Variants in RASA1 observed in about 807,000 individuals in gnomAD.
The protein encoded by RASA1 is ras GTPase-activating protein 1.
Under a neutral mutation model 132.2 loss-of-function variants are expected in RASA1, and 25 were observed. The observed-to-expected ratio is 0.19, with a 90% CI of 0.14 to 0.26. The LOEUF (loss-of-function observed/expected upper bound fraction) is 0.26. RASA1 is among the 10% of genes least tolerant of loss of function. RASA1 has a pLI of 1.00. For synonymous variants in RASA1, 477 were observed against 449.9 expected (o/e 1.06, Z -0.76); for missense variants, 964 against 1,299.2 (o/e 0.74, Z 3.97).
At chr5:87,377,129 A>C in intron 17 of RASA1, 89 bp downstream of exon 17, 1 of 1,463,118 alleles carries the variant, frequency 6.8e-7, no homozygotes, top group South Asian at 1.2e-5. Context: ...AATATACTAA[A>C]TTGTTAAATT....
At chr5:87,360,079 T>G (rs1292431980) in intron 9 of RASA1, among the ~76,000 whole-genome samples, 4 of 152,066 alleles carry the variant, frequency 2.6e-5, no homozygotes, top group Non-Finnish European at 5.9e-5. Context: ...ACATCACTAC[T>G]GGAATCTAGC....
chr5:87,310,236 CAAG>C (rs995898899), intron 1 of RASA1, among the ~76,000 whole-genome samples: 2 of 151,814 alleles, frequency 1.3e-5, no homozygotes, highest in African/African-American at 4.8e-5. Context: ...AGCAAACTAT[CAAG>C]AAGAAAATAA....
intron 1 of RASA1, among the ~76,000 whole-genome samples, chr5:87,292,215 C>T (rs1257062290): frequency 1.3e-5 from 2 of 152,000 alleles, no homozygotes; most frequent in African/African-American, 4.8e-5. Flanking sequence ...TGGATTGTGA[C>T]TTTTGTGTCT....
chr5:87,300,420 C>T (rs2112283558), intron 1 of RASA1, among the ~76,000 whole-genome samples: 1 of 152,112 alleles, frequency 6.6e-6, no homozygotes, highest in East Asian at 1.9e-4. Context: ...ATCCTAGCTA[C>T]TTGGGAGGCT....
chr5:87,364,544 A>G (rs1179347681), intron 11 of RASA1, among the ~76,000 whole-genome samples: 1 of 152,124 alleles, frequency 6.6e-6, no homozygotes, highest in Non-Finnish European at 1.5e-5. Flanking sequence ...ATACCTCATA[A>G]AGAGTTGTTC....
At chr5:87,275,451 C>G (rs1036287907) in intron 1 of RASA1, among the ~76,000 whole-genome samples, 8 of 152,192 alleles carry the variant, frequency 5.3e-5, no homozygotes, top group Non-Finnish European at 7.3e-5. Context: ...ATAATGTCCA[C>G]TGTGGCTTCT....
At position 87,391,385 on chromosome 5, in the gene RASA1, T is replaced by C. The variant is rs1346990571; in HGVS notation, c.*502T>C. 3.9e-6 allele frequency: 1 copy of C among 255,256 alleles called. No individual in the cohort carries two copies. Among genetic ancestry groups the C allele is most frequent in the African/African-American group, 2.2e-5 (1 of 45,812 alleles). The allele number at this position is 255,256 out of a possible 1,614,324, so 15.8% of individuals were successfully genotyped here. The stretch of plus-strand genomic sequence containing the variant: ...GTTCAATGATTATTTGTATTTACAG[T>C]TTCCAGAGTTTGTCATTATAATAGG... On this transcript the variant is annotated 3_prime_UTR_variant, in exon 25 of 25. Coordinates refer to ENST00000274376, the MANE Select transcript of RASA1 (RefSeq NM_002890.3).
chr5:87,302,858 G>A (rs1004313215), intron 1 of RASA1, among the ~76,000 whole-genome samples: 2 of 152,084 alleles, frequency 1.3e-5, no homozygotes, highest in African/African-American at 4.8e-5. Flanking sequence ...TCATAAACAG[G>A]TTGAGGTTTT....
chr5:87,281,200 A>G (rs1050801466), intron 1 of RASA1, among the ~76,000 whole-genome samples: 2 of 151,818 alleles, frequency 1.3e-5, no homozygotes, highest in African/African-American at 4.8e-5. Flanking sequence ...TAGTCCCAGC[A>G]GCAATGCACA....
At chr5:87,364,637 A>C (rs1365621268) in intron 11 of RASA1, among the ~76,000 whole-genome samples, 1 of 152,090 alleles carries the variant, frequency 6.6e-6, no homozygotes, top group Non-Finnish European at 1.5e-5. Context: ...CTTAACCTTC[A>C]AATGTGGTTG....
At chr5:87,291,796 C>T (rs1754920354) in intron 1 of RASA1, among the ~76,000 whole-genome samples, 3 of 152,208 alleles carry the variant, frequency 2.0e-5, no homozygotes, top group Admixed American at 2.0e-4. Flanking sequence ...TGAGCCTACC[C>T]AGAAGCTGAG....
At chr5:87,384,424 G>T (rs1761931426) in intron 21 of RASA1, among the ~76,000 whole-genome samples, 1 of 152,028 alleles carries the variant, frequency 6.6e-6, no homozygotes, top group South Asian at 2.1e-4. Flanking sequence ...GTAGGAACTG[G>T]AACCATTTTT....
chr5:87,294,599 T>C (rs1755041633), intron 1 of RASA1: 1 of 152,266 alleles, frequency 6.6e-6, no homozygotes, highest in Non-Finnish European at 1.5e-5. Flanking sequence ...ATTTAAAGTA[T>C]TTTAAAATTG....
intron 8 of RASA1, 124 bp downstream of exon 8, chr5:87,349,488 T>C: frequency 8.9e-7 from 1 of 1,122,268 alleles, no homozygotes; most frequent in Non-Finnish European, 1.3e-6. Flanking sequence ...AGACCTTCAA[T>C]ATAATTTCAT....
chr5:87,384,654 T>G (rs1365483850), intron 21 of RASA1, among the ~76,000 whole-genome samples: 1 of 152,146 alleles, frequency 6.6e-6, no homozygotes, highest in Non-Finnish European at 1.5e-5. Flanking sequence ...TCAGGTAGAT[T>G]ATTTATGGGA....
intron 9 of RASA1, among the ~76,000 whole-genome samples, chr5:87,362,329 T>A (rs531522780): frequency 2.3e-4 from 35 of 152,168 alleles, no homozygotes; most frequent in Non-Finnish European, 4.6e-4. Flanking sequence ...GTTCTTGGGA[T>A]TGGCAAGGAA....
chr5:87,329,252 C>T (rs1348339457), intron 1 of RASA1, among the ~76,000 whole-genome samples: 1 of 149,932 alleles, frequency 6.7e-6, no homozygotes, highest in Non-Finnish European at 1.5e-5. Flanking sequence ...TGAGACCAGC[C>T]TGGGTGACAT....
At chr5:87,359,428 A>G (rs938199923) in intron 9 of RASA1, among the ~76,000 whole-genome samples, 11 of 152,336 alleles carry the variant, frequency 7.2e-5, no homozygotes, top group African/African-American at 2.6e-4. Context: ...GTTTTTGCCC[A>G]TAGCATCTTC....
At chr5:87,278,909 C>CTTTTTTTT (rs58122450) in intron 1 of RASA1, among the ~76,000 whole-genome samples, 18 of 83,982 alleles carry the variant, frequency 2.1e-4, no homozygotes, top group East Asian at 7.8e-4. Flanking sequence ...CTAATTTGTT[C>CTTTTTTTT]TTTTTTTTTT....
Sources: allele counts gnomAD v4.1 joint callset (sites outside exome capture counted in the v4.1 genomes callset), GRCh38; gene constraint gnomAD v4.1.1; transcripts MANE v1.5; gene names NCBI Gene and HGNC (gene_info 2026-07-23, HGNC 2026-07-21).